Variants in PALS2 observed in about 807,000 individuals in gnomAD.
PALS2 encodes the protein protein associated with LIN7 2, MAGUK p55 family member.
PALS2 carries 27 observed loss-of-function variants against 61.6 expected under a neutral mutation model. That is an observed-to-expected ratio of 0.44 (90% CI 0.32 to 0.60). The LOEUF (loss-of-function observed/expected upper bound fraction) is 0.60, where lower values mean the gene tolerates loss of function less well. PALS2 is among the 20% of genes least tolerant of loss of function. The pLI is 0.05. For missense variants in PALS2, 554 were observed against 639.4 expected (o/e 0.87, Z 1.44); for synonymous variants, 236 against 218.6 (o/e 1.08, Z -0.70).
At chr7:24,613,874 G>C (rs560472581) in intron 1 of PALS2, among the ~76,000 whole-genome samples, 1 of 151,746 alleles carries the variant, frequency 6.6e-6, no homozygotes, top group Admixed American at 6.6e-5. Context: ...TATTTCACTT[G>C]ATATCCTCCA....
intron 5 of PALS2, among the ~76,000 whole-genome samples, chr7:24,652,797 C>A (rs1448099940): frequency 6.6e-6 from 1 of 152,130 alleles, no homozygotes; most frequent in Non-Finnish European, 1.5e-5. Flanking sequence ...CAAATGAAAG[C>A]CAAGAACTCT....
At chr7:24,577,297 A>G (rs1284225182) in intron 1 of PALS2, among the ~76,000 whole-genome samples, 1 of 141,488 alleles carries the variant, frequency 7.1e-6, no homozygotes, top group Non-Finnish European at 1.5e-5. Flanking sequence ...AATATAGTGT[A>G]CTAGAAGAGA....
intron 1 of PALS2, among the ~76,000 whole-genome samples, chr7:24,614,652 A>G (rs1258099766): frequency 6.6e-6 from 1 of 152,022 alleles, no homozygotes; most frequent in Admixed American, 6.5e-5. Context: ...AAACTTCAGC[A>G]TCCCATTCTC....
intron 9 of PALS2, among the ~76,000 whole-genome samples, chr7:24,675,381 T>G (rs200270812): frequency 1.2e-4 from 14 of 120,570 alleles, no homozygotes; most frequent in African/African-American, 4.7e-4. Context: ...TTTTTTAAGG[T>G]TTTTTTTTTT....
intron 11 of PALS2, among the ~76,000 whole-genome samples, chr7:24,686,223 G>A (rs927881267): frequency 6.6e-6 from 1 of 152,100 alleles, no homozygotes; most frequent in Non-Finnish European, 1.5e-5. Context: ...TTACAGTCTG[G>A]TGTCATTTTC....
chr7:24,615,212 T>C (rs770266425), intron 1 of PALS2, among the ~76,000 whole-genome samples: 21 of 151,772 alleles, frequency 1.4e-4, no homozygotes, highest in Admixed American at 3.3e-4. Flanking sequence ...AATAACCTAA[T>C]GATGCATCTG....
chr7:24,688,706 C>T lies in PALS2; in HGVS notation c.*1092C>T, dbSNP rs942755010. On this transcript the variant is annotated 3_prime_UTR_variant, in exon 12 of 12. Coordinates refer to ENST00000222644, the MANE Select transcript of PALS2 (RefSeq NM_001303037.2). ...AAATAATTGTCAGCTATTTTGTATA[C>T]ATACACACAAAATATATACATTATA... 1 of 150,580 alleles carries T rather than the reference C, an allele frequency of 6.6e-6. No homozygotes were observed. Among genetic ancestry groups the T allele is most frequent in the Non-Finnish European group, 1.5e-5 (1 of 67,708 alleles). The allele number at this position is 150,580 out of a possible 1,614,324, so 9.3% of individuals were successfully genotyped here.
intron 1 of PALS2, among the ~76,000 whole-genome samples, chr7:24,577,759 G>T (rs972745180): frequency 6.6e-6 from 1 of 152,030 alleles, no homozygotes; most frequent in Non-Finnish European, 1.5e-5. Context: ...TTTCAGACAA[G>T]CATTGCTACC....
At chr7:24,636,160 CG>C (rs1364520421) in intron 2 of PALS2, among the ~76,000 whole-genome samples, 1 of 146,802 alleles carries the variant, frequency 6.8e-6, no homozygotes. Flanking sequence ...TGCAGTGAGC[CG>C]AGATCACATC....
At chr7:24,600,025 G>A (rs543832413) in intron 1 of PALS2, among the ~76,000 whole-genome samples, 10 of 152,150 alleles carry the variant, frequency 6.6e-5, no homozygotes, top group African/African-American at 2.2e-4. Flanking sequence ...ATCTCCTGAA[G>A]AACCTGCCTG....
intron 1 of PALS2, among the ~76,000 whole-genome samples, chr7:24,607,674 T>C (rs965156411): frequency 3.1e-4 from 47 of 151,708 alleles, no homozygotes; most frequent in African/African-American, 9.9e-4. Flanking sequence ...CACACACATA[T>C]ACATATGTGT....
intron 2 of PALS2, chr7:24,624,169 C>G: frequency 8.1e-7 from 1 of 1,241,866 alleles, no homozygotes; most frequent in South Asian, 1.4e-5. Flanking sequence ...AAGTTCTTGA[C>G]TTCCTTTATC....
At chr7:24,574,074 C>A (rs1782557331) in intron 1 of PALS2, 1 of 152,348 alleles carries the variant, frequency 6.6e-6, no homozygotes, top group Non-Finnish European at 1.5e-5. Flanking sequence ...GTGACTGACA[C>A]CTCCGGGGTC....
At chr7:24,602,108 T>C (rs1386682786) in intron 1 of PALS2, among the ~76,000 whole-genome samples, 1 of 152,144 alleles carries the variant, frequency 6.6e-6, no homozygotes, top group African/African-American at 2.4e-5. Flanking sequence ...CCTGTGCTTT[T>C]CTACTTTTTG....
intron 3 of PALS2, among the ~76,000 whole-genome samples, chr7:24,645,164 T>A (rs1785766516): frequency 6.6e-6 from 1 of 152,216 alleles, no homozygotes; most frequent in Admixed American, 6.5e-5. Flanking sequence ...TATTGGCTTT[T>A]GTTGTGATTG....
chr7:24,607,829 A>G (rs1356406502), intron 1 of PALS2, among the ~76,000 whole-genome samples: 1 of 152,044 alleles, frequency 6.6e-6, no homozygotes, highest in African/African-American at 2.4e-5. Context: ...TCTCTAAAAG[A>G]ATGAGCTTCA....
Position 24,687,318 on chromosome 7 carries a change from A to G in PALS2, c.1447-120A>G. 1 of 742,972 alleles carries G rather than the reference A, an allele frequency of 1.3e-6. No homozygotes were observed. The highest frequency in any genetic ancestry group is 2.2e-6 in the Non-Finnish European group (1 of 461,290). The allele number at this position is 742,972 out of a possible 1,614,324, so 46.0% of individuals were successfully genotyped here. On this transcript the variant is annotated intron_variant, in intron 11 of 11. Transcript: ENST00000222644. The surrounding 1 kb of genome is among the most constrained non-coding windows in gnomAD (Gnocchi z 4.5). The stretch of plus-strand genomic sequence containing the variant: ...ACACTATATGGATTAGATTTTGAAG[A>G]TTAATACCAGAATTACCAGAAATAT...
chr7:24,616,266 T>C (rs977009201), intron 1 of PALS2, among the ~76,000 whole-genome samples: 2 of 152,140 alleles, frequency 1.3e-5, no homozygotes, highest in Admixed American at 1.3e-4. Flanking sequence ...TGTTACTGTT[T>C]ACATATGGCA....
intron 9 of PALS2, among the ~76,000 whole-genome samples, chr7:24,668,895 A>G (rs1412366979): frequency 6.6e-6 from 1 of 152,210 alleles, no homozygotes; most frequent in Non-Finnish European, 1.5e-5. Flanking sequence ...TAAACTATTC[A>G]GTTCAGAAAT....
Sources: gnomAD v4.1 joint callset for allele counts (sites outside exome capture counted in the v4.1 genomes callset) on GRCh38, gnomAD v4.1.1 for gene constraint, Gnocchi (gnomAD v3.1) non-coding constraint, MANE v1.5 for transcripts, NCBI Gene and HGNC (gene_info 2026-07-23, HGNC 2026-07-21) for gene names.